Variants in PWWP3B observed in about 807,000 individuals in gnomAD.
The protein encoded by PWWP3B is PWWP domain-containing DNA repair factor 3B.
Under a neutral mutation model 15.7 loss-of-function variants are expected in PWWP3B, and 5 were observed. The observed-to-expected ratio is 0.32, with a 90% CI of 0.17 to 0.67. The LOEUF (loss-of-function observed/expected upper bound fraction) is 0.67. Among genes scored for constraint, PWWP3B ranks in the 30% least tolerant of loss-of-function variants. The pLI is 0.74. For synonymous variants in PWWP3B, 203 were observed against 179.8 expected (o/e 1.13, Z -1.03); for missense variants, 519 against 493.1 (o/e 1.05, Z -0.50).
intron 2 of PWWP3B, among the ~76,000 whole-genome samples, chrX:106,188,558 A>G (rs1438921366): frequency 1.8e-5 from 2 of 112,118 alleles, no homozygotes; most frequent in African/African-American, 6.5e-5. Flanking sequence ...ACTCTTTTAG[A>G]TGTACAGTTT....
chrX:106,188,055 A>G (rs1922626362), intron 2 of PWWP3B, among the ~76,000 whole-genome samples: 1 of 111,026 alleles, frequency 9.0e-6, no homozygotes, highest in African/African-American at 3.3e-5. Context: ...GTTTAGTGGC[A>G]TGTGAGAACT....
intron 2 of PWWP3B, among the ~76,000 whole-genome samples, chrX:106,202,069 A>G (rs1159229772): frequency 8.9e-6 from 1 of 111,886 alleles, no homozygotes; most frequent in Middle Eastern, 4.7e-3. Flanking sequence ...ACACTCCGTT[A>G]TTGTTTGAAT....
At position 106,206,596 on chromosome X, in the gene PWWP3B, T is replaced by G; in HGVS notation, c.1164T>G (p.His388Gln). Residue 388 changes from histidine to glutamine, a missense_variant, in exon 4 of 4, where the codon CAT becomes CAG. His to Gln is a conservative substitution (Grantham distance 24). Coordinates refer to ENST00000357175, the MANE Select transcript of PWWP3B (RefSeq NM_001171020.2). ...LPRFILHYET[H>Q]PFETGMIVWF... Reference sequence around the variant, plus strand: ...GCTTCATTTTACATTATGAGACACATCCGTTTGAAACAGGAATGATAGTCT... The same window carrying G: ...GCTTCATTTTACATTATGAGACACAGCCGTTTGAAACAGGAATGATAGTCT... The G allele has an allele frequency of 8.3e-7, 1 of 1,210,278 alleles. No individual in the cohort carries two copies. Among genetic ancestry groups the G allele is most frequent in the Non-Finnish European group, 1.1e-6 (1 of 894,657 alleles).
chrX:106,196,310 C>G (rs1339369538), intron 2 of PWWP3B, among the ~76,000 whole-genome samples: 1 of 111,494 alleles, frequency 9.0e-6, no homozygotes, highest in Non-Finnish European at 1.9e-5. Context: ...GCTGGGATCG[C>G]CAATGTAATG....
chrX:106,205,594 A>G lies in PWWP3B; in HGVS notation c.162A>G (p.Glu54=). The G allele has an allele frequency of 8.3e-7, 1 of 1,209,319 alleles. No individual in the cohort carries two copies. Among genetic ancestry groups the G allele is most frequent in the Non-Finnish European group, 1.1e-6 (1 of 894,431 alleles). Residue 54 remains glutamate, a synonymous_variant, in exon 4 of 4, where the codon GAA becomes GAG. Coordinates refer to ENST00000357175, the MANE Select transcript of PWWP3B (RefSeq NM_001171020.2). ...AAAAAATTAAATTGGACAGCACAGA[A>G]ACAAAGATCCTAAATAAATCTCAAA... is the stretch of plus-strand genomic sequence containing the variant. The part of the protein sequence containing the change: ...LDEKIKLDST[E]TKILNKSQIE...
chrX:106,168,765 T>C (rs1921464488), intron 1 of PWWP3B, among the ~76,000 whole-genome samples: 1 of 112,075 alleles, frequency 8.9e-6, no homozygotes, highest in Non-Finnish European at 1.9e-5. Context: ...GGGATGTTGG[T>C]TTTTTATATT....
At chrX:106,201,211 G>A (rs1923687108) in intron 2 of PWWP3B, among the ~76,000 whole-genome samples, 1 of 112,017 alleles carries the variant, frequency 8.9e-6, no homozygotes, top group South Asian at 3.7e-4. Context: ...CTTTCCTGAA[G>A]GGTTTTAGAG....
intron 2 of PWWP3B, chrX:106,177,077 T>C (rs1212066883): frequency 3.5e-5 from 4 of 113,005 alleles, no homozygotes; most frequent in Non-Finnish European, 7.5e-5. Flanking sequence ...TCTACCTTTG[T>C]TTTTCCCAGA....
chrX:106,195,997 T>C (rs1246740461), intron 2 of PWWP3B, among the ~76,000 whole-genome samples: 4 of 112,274 alleles, frequency 3.6e-5, no homozygotes, highest in African/African-American at 6.5e-5. Flanking sequence ...TCTTCAGCAT[T>C]CAAATCTTGT....
rs756849908 is a variant in PWWP3B at position 106,207,133 on chromosome X, G to T, written c.1701G>T (p.Glu567Asp). 1 of 1,206,399 alleles carries T rather than the reference G, an allele frequency of 8.3e-7. No homozygotes were observed. Among genetic ancestry groups the T allele is most frequent in the Non-Finnish European group, 1.1e-6 (1 of 892,526 alleles). The change falls in exon 4 of 4, where the codon GAG becomes GAT. Residue 567 changes from glutamate (E) to aspartate (D), a missense_variant. Transcript: ENST00000357175. ...TCATTGTGAATGCAAAGGGAACAGA[G>T]AACCATCTTCTGGCCATTGTAAATG... Reference protein sequence around the residue: ...VDFIVNAKGTENHLLAIVNGT... With the variant: ...VDFIVNAKGTDNHLLAIVNGT...
rs1203658013 is a variant in PWWP3B, at chrX:106,168,412, G to A, written c.-542G>A. 8.9e-6 allele frequency: 1 copy of A among 112,018 alleles called. No homozygotes were observed. The highest frequency in any genetic ancestry group is 2.8e-4 in the East Asian group (1 of 3,555). 9.2% of individuals were successfully genotyped at this position (112,018 alleles called of 1,213,427 possible). A position where few individuals can be genotyped will look rare whatever the true frequency, so the allele number is the denominator to read the frequency against. ...TAGTTATTTTCAGAGAGTTCTCGAA[G>A]ATTTGGAATAAAGGTGAGAAAAGAA... is the stretch of plus-strand genomic sequence containing the variant. On this transcript the variant is annotated 5_prime_UTR_variant, in exon 1 of 4. Coordinates refer to ENST00000357175, the MANE Select transcript of PWWP3B (RefSeq NM_001171020.2).
At chrX:106,186,161 A>G (rs749023755) in intron 2 of PWWP3B, among the ~76,000 whole-genome samples, 7 of 111,355 alleles carry the variant, frequency 6.3e-5, no homozygotes, top group Admixed American at 1.9e-4. Flanking sequence ...AAGGGTCAGT[A>G]TAGATAGGAT....
intron 2 of PWWP3B, among the ~76,000 whole-genome samples, chrX:106,196,107 T>A (rs1923360387): frequency 9.0e-6 from 1 of 111,705 alleles, no homozygotes; most frequent in Non-Finnish European, 1.9e-5. Context: ...AGAAATAAAA[T>A]AAATTATTTT....
At chrX:106,204,846 T>C (rs188639788) in intron 3 of PWWP3B, among the ~76,000 whole-genome samples, 1 of 111,653 alleles carries the variant, frequency 9.0e-6, no homozygotes, top group Admixed American at 9.5e-5. Flanking sequence ...TTCTGACACA[T>C]GTTAAGTTTG....
chrX:106,190,492 G>A (rs1200104198), intron 2 of PWWP3B, among the ~76,000 whole-genome samples: 1 of 111,292 alleles, frequency 9.0e-6, no homozygotes, highest in Admixed American at 9.5e-5. Context: ...CATTTTGTAG[G>A]TTGCCTGTTC....
At chrX:106,195,400 A>T (rs1415842549) in intron 2 of PWWP3B, among the ~76,000 whole-genome samples, 1 of 111,706 alleles carries the variant, frequency 9.0e-6, no homozygotes, top group East Asian at 2.8e-4. Flanking sequence ...AATCCTAATA[A>T]ATCTTTGCCT....
chrX:106,206,163 C>T lies in PWWP3B; in HGVS notation c.731C>T (p.Ser244Leu), dbSNP rs751947693. ...TTTGCTCCACCTTTGTCACCTTTGT[C>T]ATCAGATATGCTCATTATGCCCAAA... Reference protein sequence around the residue: ...EKFAPPLSPLSSDMLIMPKAL... With the variant: ...EKFAPPLSPLLSDMLIMPKAL... Residue 244 changes from serine (S) to leucine (L), a missense_variant, in exon 4 of 4, where the codon TCA (serine) becomes TTA (leucine). By Grantham distance (145) the Ser-to-Leu change is moderately radical. Coordinates refer to ENST00000357175, the MANE Select transcript of PWWP3B (RefSeq NM_001171020.2). 6 of 1,208,044 alleles carry T rather than the reference C, an allele frequency of 5.0e-6. No homozygotes were observed. The highest frequency in any genetic ancestry group is 3.0e-5 in the East Asian group (1 of 33,783).
In PWWP3B at chrX:106,205,978, G is replaced by A. The variant is rs147535924; in HGVS notation, c.546G>A (p.Val182=). The A allele has an allele frequency of 0.018, 21,911 of 1,207,900 alleles. 172 individuals carry two copies. Among genetic ancestry groups the A allele is most frequent in the Middle Eastern group, 0.022 (94 of 4,347 alleles). ...TGGTCGATACTATTCCAAGTGAAGT[G>A]GAAACAAAGTCATTACAAAACTCTA... ...PTMVDTIPSE[V]ETKSLQNSSW... is the part of the protein sequence containing the mutation. Residue 182 remains valine (V), a synonymous_variant, in exon 4 of 4, where the codon GTG becomes GTA. Coordinates refer to ENST00000357175, the MANE Select transcript of PWWP3B (RefSeq NM_001171020.2).
intron 2 of PWWP3B, among the ~76,000 whole-genome samples, chrX:106,196,880 G>C (rs1197908783): frequency 8.9e-6 from 1 of 111,771 alleles, no homozygotes; most frequent in Non-Finnish European, 1.9e-5. Flanking sequence ...TTGTGCTTCA[G>C]TTGGAGCCTG....
Sources: allele counts gnomAD v4.1 joint callset (sites outside exome capture counted in the v4.1 genomes callset), GRCh38; gene constraint gnomAD v4.1.1; transcripts MANE v1.5; gene names NCBI Gene and HGNC (gene_info 2026-07-23, HGNC 2026-07-21).